Variants in RNF217 observed in about 807,000 individuals in gnomAD.
The protein encoded by RNF217 is ring finger protein 217, also known as E3 ubiquitin-protein ligase RNF217.
In RNF217, 31 loss-of-function variants were observed where a neutral mutation model predicts 57.8. The observed-to-expected ratio is 0.54, with a 90% confidence interval of 0.40 to 0.72. The LOEUF is 0.72. RNF217 is among the 30% of genes least tolerant of loss of function. The pLI is 0.00. For synonymous variants in RNF217, 313 were observed against 294.0 expected (o/e 1.06, Z -0.66); for missense variants, 696 against 708.3 (o/e 0.98, Z 0.20).
At chr6:125,023,202 T>C (rs988079321) in intron 1 of RNF217, among the ~76,000 whole-genome samples, 12 of 152,084 alleles carry the variant, frequency 7.9e-5, no homozygotes. Context: ...ACCTGAAGGA[T>C]TTAAGCAAGA....
intron 1 of RNF217, among the ~76,000 whole-genome samples, chr6:125,025,888 C>T (rs1248742840): frequency 6.6e-6 from 1 of 152,094 alleles, no homozygotes; most frequent in African/African-American, 2.4e-5. Flanking sequence ...CTGTCAAGTA[C>T]AAGGTGAAGT....
At chr6:125,079,166 T>A (rs922108384) in intron 4 of RNF217, among the ~76,000 whole-genome samples, 2 of 152,084 alleles carry the variant, frequency 1.3e-5, no homozygotes, top group African/African-American at 4.8e-5. Context: ...GCTCATAAAT[T>A]ATAAAGGAGA....
At chr6:125,018,885 A>G (rs1378672014) in intron 1 of RNF217, among the ~76,000 whole-genome samples, 4 of 152,168 alleles carry the variant, frequency 2.6e-5, no homozygotes, top group Non-Finnish European at 5.9e-5. Context: ...TAGGGAATCT[A>G]TGGAGAATCC....
At chr6:125,024,253 A>G (rs932209427) in intron 1 of RNF217, among the ~76,000 whole-genome samples, 4 of 152,064 alleles carry the variant, frequency 2.6e-5, no homozygotes, top group African/African-American at 7.2e-5. Context: ...TCGGGAGGGG[A>G]TATTACTTTG....
At chr6:125,070,830 A>G (rs1018302526) in intron 3 of RNF217, among the ~76,000 whole-genome samples, 2 of 152,242 alleles carry the variant, frequency 1.3e-5, no homozygotes, top group Non-Finnish European at 2.9e-5. Flanking sequence ...TTAGGATTTT[A>G]TCTAGAGTAA....
rs77222230 is a variant in RNF217, at chr6:125,086,521, A to G, written c.*3584A>G. 3 of 152,158 alleles carry G rather than the reference A, an allele frequency of 2.0e-5. No individual in the cohort carries two copies. The highest frequency in any genetic ancestry group is 7.2e-5 in the African/African-American group (3 of 41,448). The allele number at this position is 152,158 out of a possible 1,614,324, so 9.4% of individuals were successfully genotyped here. A position where few individuals can be genotyped will look rare whatever the true frequency, so the allele number is the denominator to read the frequency against. ...ACTTAATTATGCCATTGTGAAAAGT[A>G]GGAAAGAATATGTTGGCAATTATAA... On this transcript the variant is annotated 3_prime_UTR_variant, in exon 6 of 6. Transcript: ENST00000521654.
At chr6:125,012,722 A>G (rs765221902) in intron 1 of RNF217, among the ~76,000 whole-genome samples, 17 of 152,144 alleles carry the variant, frequency 1.1e-4, no homozygotes, top group Non-Finnish European at 2.4e-4. Context: ...TACTTTTGTA[A>G]TGTGCAAGTG....
chr6:124,988,254 C>A (rs1333066774), intron 1 of RNF217, among the ~76,000 whole-genome samples: 1 of 152,120 alleles, frequency 6.6e-6, no homozygotes, highest in Non-Finnish European at 1.5e-5. Context: ...TTCCATGATA[C>A]CAGTCCCTAG....
At chr6:125,080,049 GT>G (rs1175704282) in intron 4 of RNF217, among the ~76,000 whole-genome samples, 1 of 151,998 alleles carries the variant, frequency 6.6e-6, no homozygotes, top group African/African-American at 2.4e-5. Flanking sequence ...TTACTTTTTA[GT>G]TATGTTTTAT....
At chr6:125,036,100 C>G (rs941239858) in intron 1 of RNF217, among the ~76,000 whole-genome samples, 1 of 151,834 alleles carries the variant, frequency 6.6e-6, no homozygotes, top group African/African-American at 2.4e-5. Context: ...TGACAGGCCT[C>G]GGTGTGTGAT....
intron 1 of RNF217, among the ~76,000 whole-genome samples, chr6:124,977,701 G>A (rs1309258259): frequency 6.6e-6 from 1 of 152,080 alleles, no homozygotes; most frequent in Non-Finnish European, 1.5e-5. Context: ...GCTGACCTGT[G>A]GCCATAAATT....
chr6:125,038,546 G>T (rs1406677312), intron 1 of RNF217, among the ~76,000 whole-genome samples: 1 of 152,044 alleles, frequency 6.6e-6, no homozygotes. Flanking sequence ...GCTAGAGGAT[G>T]GCTATTTAAG....
At chr6:125,051,552 G>T (rs1326751615) in intron 2 of RNF217, among the ~76,000 whole-genome samples, 1 of 151,966 alleles carries the variant, frequency 6.6e-6, no homozygotes. Flanking sequence ...CCTACCAGTT[G>T]GCCATGCAGA....
intron 1 of RNF217, among the ~76,000 whole-genome samples, chr6:124,976,262 C>CCTCA: frequency 8.1e-6 from 1 of 123,226 alleles, no homozygotes; most frequent in Non-Finnish European, 1.7e-5. Flanking sequence ...TCCCTCCCTC[C>CCTCA]CTCCCTCCCT....
In RNF217 at chr6:125,043,820, G is replaced by A. The variant is rs185811459; in HGVS notation, c.883-1391G>A. On this transcript the variant is annotated intron_variant, in intron 1 of 5. Coordinates refer to ENST00000521654, the MANE Select transcript of RNF217 (RefSeq NM_001286398.3). ...GCACATATTTTTAAATCCTCTCTGG[G>A]CCATGTTTTGTACAGTAGTAGCATA... 1.8e-4 allele frequency among the ~76,000 whole-genome samples: 27 copies of A among 152,104 alleles called. 1 individual carries two copies. In the East Asian group the frequency reaches 4.5e-3, roughly 25 times the overall value.
chr6:124,963,211 ATCGAGCTGGAGT>A lies in RNF217; in HGVS notation c.670_681del (p.Glu224_Phe227del). 2 of 1,535,998 alleles carry A rather than the reference ATCGAGCTGGAGT, an allele frequency of 1.3e-6. No individual in the cohort carries two copies. The highest frequency in any genetic ancestry group is 2.7e-5 in the African/African-American group (2 of 73,136). ...TTCCCTCTCCCCCGACGGCGGCAGC[ATCGAGCTGGAGT>A]TCTACCTGGCGCCCGAGCCGTTCTC... On this transcript the variant is annotated inframe_deletion, in exon 1 of 6. Coordinates refer to ENST00000521654, the MANE Select transcript of RNF217 (RefSeq NM_001286398.3).
intron 1 of RNF217, among the ~76,000 whole-genome samples, chr6:125,020,918 G>A (rs186567463): frequency 6.6e-6 from 1 of 152,142 alleles, no homozygotes; most frequent in Admixed American, 6.5e-5. Context: ...GAGGGTTTTT[G>A]TATTTTTTCA....
chr6:124,984,710 A>G (rs1351832329), intron 1 of RNF217, among the ~76,000 whole-genome samples: 3 of 152,110 alleles, frequency 2.0e-5, no homozygotes. Flanking sequence ...TGTGTAATCA[A>G]ATTTTAAGTG....
At chr6:125,050,317 C>T (rs79899494) in intron 2 of RNF217, among the ~76,000 whole-genome samples, 5,175 of 151,990 alleles carry the variant, frequency 0.034, 262 homozygotes, top group African/African-American at 0.11. Flanking sequence ...CCCCATTCTT[C>T]TTCCCACAAA....
Sources: allele counts gnomAD v4.1 joint callset (sites outside exome capture counted in the v4.1 genomes callset), GRCh38; gene constraint gnomAD v4.1.1; transcripts MANE v1.5; gene names NCBI Gene and HGNC (gene_info 2026-07-23, HGNC 2026-07-21).